The following SCAPER variants were observed in gnomAD, a reference collection of about 807,000 sequenced individuals.
SCAPER encodes the protein S-phase cyclin A associated protein in the ER, also known as S phase cyclin A-associated protein in the endoplasmic reticulum.
A neutral mutation model predicts 182.2 loss-of-function variants in SCAPER; 98 were observed. The observed-to-expected ratio is 0.54, with a 90% CI of 0.46 to 0.64. The LOEUF (loss-of-function observed/expected upper bound fraction) is 0.64, where lower values mean the gene tolerates loss of function less well. Ranked by LOEUF, SCAPER falls within the 30% of genes least tolerant of loss-of-function variation. The pLI is 0.00. For synonymous variants in SCAPER, 605 were observed against 564.6 expected (o/e 1.07, Z -1.01); for missense variants, 1,432 against 1,690.0 (o/e 0.85, Z 2.68).
rs573010443 is a variant in SCAPER, at chr15:76,381,793, T to C, written c.3468-178A>G. ...CCCTCCCCACCAACTGCACTGTGGC[T>C]TTTTCTTCTCCTGGAAGACCAGGCT... On this transcript the variant is annotated intron_variant, in intron 27 of 31. Transcript: ENST00000563290. Among the ~76,000 whole-genome samples the C allele has an allele frequency of 2.0e-5, 3 of 152,316 alleles. No individual in the cohort carries two copies. In the East Asian group the frequency reaches 5.8e-4, roughly 29 times the overall value.
In SCAPER at chr15:76,575,314, G is replaced by T. The variant is rs559824488; in HGVS notation, c.2712-1030C>A. Among the ~76,000 whole-genome samples, 17 of 151,984 alleles carry T rather than the reference G, an allele frequency of 1.1e-4. No homozygotes were observed. The East Asian group carries it at 2.9e-3, about 26-fold the overall frequency. ...TCAAGATCTTATTAAATCTCCCTAGGGTGTTCATTCTCCCACTATCCACAA... is the reference window on the plus strand; with the variant it reads ...TCAAGATCTTATTAAATCTCCCTAGTGTGTTCATTCTCCCACTATCCACAA... On this transcript the variant is annotated intron_variant, in intron 22 of 31. Coordinates refer to ENST00000563290, the MANE Select transcript of SCAPER (RefSeq NM_020843.4).
chr15:76,607,156 G>C (rs1237998525), intron 22 of SCAPER, among the ~76,000 whole-genome samples: 1 of 152,196 alleles, frequency 6.6e-6, no homozygotes, highest in Admixed American at 6.5e-5. Context: ...GGCTGGTACT[G>C]GTTGTTCCTT....
intron 21 of SCAPER, among the ~76,000 whole-genome samples, chr15:76,653,383 A>G (rs2055339116): frequency 6.6e-6 from 1 of 152,218 alleles, no homozygotes; most frequent in South Asian, 2.1e-4. Context: ...TTCATATGGA[A>G]CCAAAAAAGA....
At chr15:76,732,629 G>A (rs1157132123) in intron 16 of SCAPER, among the ~76,000 whole-genome samples, 2 of 152,010 alleles carry the variant, frequency 1.3e-5, no homozygotes, top group Non-Finnish European at 2.9e-5. Flanking sequence ...AGCAGACCGG[G>A]AAAGGGACTC....
At chr15:76,429,244 T>A (rs2046689273) in intron 26 of SCAPER, among the ~76,000 whole-genome samples, 1 of 152,132 alleles carries the variant, frequency 6.6e-6, no homozygotes, top group Admixed American at 6.6e-5. Flanking sequence ...GTCTTGGTTA[T>A]GTCTTTATCA....
chr15:76,602,730 G>C (rs992297645), intron 22 of SCAPER, among the ~76,000 whole-genome samples: 1 of 118,814 alleles, frequency 8.4e-6, no homozygotes, highest in African/African-American at 2.5e-5. Flanking sequence ...TTTTGCAGTT[G>C]TCCCACAGTT....
chr15:76,607,778 C>T (rs775969554), intron 22 of SCAPER, among the ~76,000 whole-genome samples: 1 of 152,120 alleles, frequency 6.6e-6, no homozygotes, highest in African/African-American at 2.4e-5. Context: ...TGTCTTCCAT[C>T]GCTGATACCC....
chr15:76,543,153 TTGAG>T (rs1473268174), intron 23 of SCAPER, among the ~76,000 whole-genome samples: 1 of 152,194 alleles, frequency 6.6e-6, no homozygotes, highest in African/African-American at 2.4e-5. Flanking sequence ...AAAAAATGCA[TTGAG>T]TGTCAACAAA....
At chr15:76,780,585 C>T (rs2064059438) in intron 8 of SCAPER, among the ~76,000 whole-genome samples, 1 of 152,170 alleles carries the variant, frequency 6.6e-6, no homozygotes, top group African/African-American at 2.4e-5. Context: ...CAAGTGGGTC[C>T]CTAACGCCCA....
At chr15:76,713,438 A>T (rs1598319854) in intron 17 of SCAPER, among the ~76,000 whole-genome samples, 1 of 151,964 alleles carries the variant, frequency 6.6e-6, no homozygotes, top group Admixed American at 6.6e-5. Flanking sequence ...ACCATGGAAT[A>T]CTATGCAGCC....
chr15:76,746,717 T>C (rs1386194093), intron 15 of SCAPER, among the ~76,000 whole-genome samples: 1 of 152,250 alleles, frequency 6.6e-6, no homozygotes, highest in Non-Finnish European at 1.5e-5. Context: ...ATTGTGTGTC[T>C]ACACATTAGC....
intron 26 of SCAPER, among the ~76,000 whole-genome samples, chr15:76,430,804 C>G (rs571227563): frequency 6.6e-6 from 1 of 152,142 alleles, no homozygotes; most frequent in African/African-American, 2.4e-5. Context: ...GTTGGGAAGG[C>G]ATGATTGGTT....
At chr15:76,885,949 T>C (rs1243439389) in intron 1 of SCAPER, among the ~76,000 whole-genome samples, 2 of 152,248 alleles carry the variant, frequency 1.3e-5, no homozygotes, top group African/African-American at 2.4e-5. Context: ...ACTGTGAATA[T>C]GCTGCAATAA....
At chr15:76,426,535 G>T (rs1257360820) in intron 26 of SCAPER, among the ~76,000 whole-genome samples, 2 of 152,250 alleles carry the variant, frequency 1.3e-5, no homozygotes, top group Admixed American at 6.5e-5. Flanking sequence ...TCTTGGAACT[G>T]CCCGAGAATT....
intron 20 of SCAPER, among the ~76,000 whole-genome samples, chr15:76,680,623 T>C (rs1376281432): frequency 6.6e-6 from 1 of 152,046 alleles, no homozygotes; most frequent in African/African-American, 2.4e-5. Context: ...AGGCCCTTCC[T>C]TGGTGGAGCG....
At chr15:76,872,965 T>C (rs1001637908) in intron 2 of SCAPER, among the ~76,000 whole-genome samples, 3 of 151,658 alleles carry the variant, frequency 2.0e-5, no homozygotes, top group African/African-American at 7.3e-5. Flanking sequence ...TTAAGAAATG[T>C]TGGGCCGGGC....
At chr15:76,437,442 T>C (rs2047270095) in intron 25 of SCAPER, among the ~76,000 whole-genome samples, 1 of 152,208 alleles carries the variant, frequency 6.6e-6, no homozygotes, top group Non-Finnish European at 1.5e-5. Flanking sequence ...ACTAGAATAT[T>C]AGTAAGGCCT....
At chr15:76,850,859 CAAAA>C (rs59202490) in intron 4 of SCAPER, among the ~76,000 whole-genome samples, 1 of 90,050 alleles carries the variant, frequency 1.1e-5, no homozygotes, top group Non-Finnish European at 2.3e-5. Context: ...GACTCTGTCT[CAAAA>C]AAAAAAAAAA....
At chr15:76,652,256 TAAAA>T (rs1160100739) in intron 21 of SCAPER, among the ~76,000 whole-genome samples, 3 of 5,694 alleles carry the variant, frequency 5.3e-4, no homozygotes, top group African/African-American at 1.3e-3. Context: ...GTGTCTCTGC[TAAAA>T]AAAAAAAAAA....
Sources: gnomAD v4.1 joint callset for allele counts (sites outside exome capture counted in the v4.1 genomes callset) on GRCh38, gnomAD v4.1.1 for gene constraint, MANE v1.5 for transcripts, NCBI Gene and HGNC (gene_info 2026-07-23, HGNC 2026-07-21) for gene names.